Variants in CANT1 observed in about 807,000 individuals in gnomAD.
The protein encoded by CANT1 is calcium activated nucleotidase 1, also known as soluble calcium-activated nucleotidase 1.
CANT1 carries 26 observed loss-of-function variants against 30.0 expected under a neutral mutation model. The ratio of observed to expected loss-of-function variants is 0.87; its 90% CI spans 0.64 to 1.20. CANT1 has a LOEUF of 1.20. CANT1 is among the 50% of genes most tolerant of loss of function. The pLI is 0.00. For missense variants in CANT1, 518 were observed against 563.0 expected (o/e 0.92, Z 0.81); for synonymous variants, 246 against 251.8 (o/e 0.98, Z 0.22).
intron 1 of CANT1, among the ~76,000 whole-genome samples, chr17:79,003,252 A>T (rs1030824194): frequency 1.3e-5 from 2 of 152,126 alleles, no homozygotes; most frequent in Non-Finnish European, 2.9e-5. Context: ...TCAGCACCAG[A>T]ACACCTTCCC....
chr17:78,994,201 C>T (rs765549522), intron 4 of CANT1, among the ~76,000 whole-genome samples: 3 of 152,048 alleles, frequency 2.0e-5, no homozygotes, highest in Non-Finnish European at 2.9e-5. Flanking sequence ...GGAGCCTCCT[C>T]GGGGCTGATC....
At position 78,995,291 on chromosome 17, in the gene CANT1, G is replaced by A. The variant is rs545842980; in HGVS notation, c.632-70C>T. The A allele has an allele frequency of 2.9e-4, 444 of 1,506,558 alleles. 1 individual carries two copies. In the African/African-American group the frequency reaches 5.5e-3, roughly 19 times the overall value. The allele number at this position is 1,506,558 out of a possible 1,614,324, so 93.3% of individuals were successfully genotyped here. A position where few individuals can be genotyped will look rare whatever the true frequency, so the allele number is the denominator to read the frequency against. ...GCACCCCTGCACCTGGCTCCCACCCGGCCCCGCACCTGTCCTTAGACCCCG... is the reference window on the plus strand; with the variant it reads ...GCACCCCTGCACCTGGCTCCCACCCAGCCCCGCACCTGTCCTTAGACCCCG... On this transcript the variant is annotated intron_variant, in intron 3 of 4. Transcript: ENST00000392446. The surrounding 1 kb of genome is among the most constrained non-coding windows in gnomAD (Gnocchi z 5.7).
In CANT1 at chr17:78,997,187, C is replaced by T. The variant is rs1443282700; in HGVS notation, c.436G>A (p.Glu146Lys). The change falls in exon 3 of 5, where the codon GAA becomes AAA. Residue 146 changes from glutamate (E) to lysine (K), a missense_variant. By Grantham distance (56) the Glu-to-Lys change is moderately conservative. This residue lies in a region of CANT1 where 249 missense variants were observed against 268.8 expected (regional missense o/e 0.93). Coordinates refer to ENST00000392446, the MANE Select transcript of CANT1 (RefSeq NM_001159773.2). The surrounding 1 kb of genome is among the most constrained non-coding windows in gnomAD (Gnocchi z 7.5). ...LSDSGDKVAV[E>K]WDKDHGVLES... ...AGGACCCCATGGTCTTTGTCCCATT[C>T]CACGGCCACCTTGTCCCCACTGTCT... The T allele has an allele frequency of 6.2e-6, 10 of 1,614,210 alleles. No homozygotes were observed. The East Asian group carries it at 6.7e-5, about 11-fold the overall frequency.
chr17:79,006,891 G>A lies in CANT1; in HGVS notation c.-147+2773C>T, dbSNP rs371258821. Among the ~76,000 whole-genome samples, 9 of 152,246 alleles carry A rather than the reference G, an allele frequency of 5.9e-5. No homozygotes were observed. In the South Asian group the frequency reaches 1.2e-3, roughly 21 times the overall value. ...GCTTTCCTCCAGGCTCGGCTCCCGGGACACAAAGGCCGAATCGCCAGGACT... is the reference window on the plus strand; with the variant it reads ...GCTTTCCTCCAGGCTCGGCTCCCGGAACACAAAGGCCGAATCGCCAGGACT... On this transcript the variant is annotated intron_variant, in intron 1 of 4. Coordinates refer to ENST00000392446, the MANE Select transcript of CANT1 (RefSeq NM_001159773.2).
In CANT1 at chr17:78,992,724, C is replaced by T. The variant is rs1233892453; in HGVS notation, c.*826G>A. The T allele has an allele frequency of 1.7e-6, 1 of 596,752 alleles. No homozygotes were observed. Among genetic ancestry groups the T allele is most frequent in the African/African-American group, 1.8e-5 (1 of 55,848 alleles). 37.0% of individuals were successfully genotyped at this position (596,752 alleles called of 1,614,324 possible). A position where few individuals can be genotyped will look rare whatever the true frequency, so the allele number is the denominator to read the frequency against. On this transcript the variant is annotated 3_prime_UTR_variant, in exon 5 of 5. Coordinates refer to ENST00000392446, the MANE Select transcript of CANT1 (RefSeq NM_001159773.2). Reference sequence around the variant, plus strand: ...GAACGCCGACATGTGAGACTTGCTTCACCAGCCGCCACCGCTTCCTTACAA... The same window carrying T: ...GAACGCCGACATGTGAGACTTGCTTTACCAGCCGCCACCGCTTCCTTACAA...
chr17:79,005,070 A>G (rs550886831), intron 1 of CANT1, among the ~76,000 whole-genome samples: 33 of 7,582 alleles, frequency 4.4e-3, no homozygotes, highest in Admixed American at 9.6e-3. Flanking sequence ...GGGTTAGGGA[A>G]GGGGGAGTTA....
chr17:79,009,512 G>A (rs1174676092), intron 1 of CANT1, among the ~76,000 whole-genome samples, 152 bp downstream of exon 1: 4 of 152,196 alleles, frequency 2.6e-5, no homozygotes, highest in Non-Finnish European at 4.4e-5. Flanking sequence ...CGAGTCAGGG[G>A]GCAGAGATCC....
In CANT1 at chr17:78,999,632, C is replaced by A. The variant is rs964359772; in HGVS notation, c.-146-1669G>T. Among the ~76,000 whole-genome samples, 9 of 149,898 alleles carry A rather than the reference C, an allele frequency of 6.0e-5. 1 individual carries two copies. The South Asian group carries it at 1.7e-3, about 29-fold the overall frequency. On this transcript the variant is annotated intron_variant, in intron 1 of 4. Coordinates refer to ENST00000392446, the MANE Select transcript of CANT1 (RefSeq NM_001159773.2). ...CTGGGACTACAGGCGTGTGCCACCA[C>A]GCACAGCGAATTTTTTTTTTTTTTT... is the stretch of plus-strand genomic sequence containing the variant.
At position 78,993,834 on chromosome 17, in the gene CANT1, T is replaced by C. The variant is rs1455949571; in HGVS notation, c.922A>G (p.Ser308Gly). 1.9e-6 allele frequency: 3 copies of C among 1,604,552 alleles called. No homozygotes were observed. The highest frequency in any genetic ancestry group is 2.5e-6 in the Non-Finnish European group (3 of 1,176,702). Residue 308 changes from serine to glycine, a missense_variant, in exon 5 of 5, where the codon AGC becomes GGC. By Grantham distance (56) the Ser-to-Gly change is moderately conservative (BLOSUM62 0). Around this residue, in one of 3 missense-constraint regions of CANT1, gnomAD observed 221 missense variants for 211.8 expected, o/e 1.04. Coordinates refer to ENST00000392446, the MANE Select transcript of CANT1 (RefSeq NM_001159773.2). The surrounding 1 kb of genome is among the most constrained non-coding windows in gnomAD (Gnocchi z 4.5). ...CCCTTGCGCTCGTCGTCCTTCTCGCTGTAGCGCTCCTGGCTGGCGCGGCGC... is the reference window on the plus strand; with the variant it reads ...CCCTTGCGCTCGTCGTCCTTCTCGCCGTAGCGCTCCTGGCTGGCGCGGCGC... The part of the protein sequence containing the change: ...LPRRASQERY[S>G]EKDDERKGAN...
At position 78,991,800 on chromosome 17, in the gene CANT1, CAG is replaced by C. The variant is rs2070850227; in HGVS notation, c.*1748_*1749del. The C allele has an allele frequency of 4.4e-6, 1 of 224,792 alleles. No homozygotes were observed. Among genetic ancestry groups the C allele is most frequent in the Admixed American group, 5.7e-5 (1 of 17,494 alleles). The allele number at this position is 224,792 out of a possible 1,614,324, so 13.9% of individuals were successfully genotyped here. On this transcript the variant is annotated 3_prime_UTR_variant, in exon 5 of 5. Transcript: ENST00000392446. ...CAATCATTATGCTGACAGCAGCGAA[CAG>C]AGAGGGGAAGAAAAAAGGTGAGCTT...
At position 78,993,411 on chromosome 17, in the gene CANT1, GGGGCCCGGGACTGGGCTCCCTGTCCA is replaced by G; in HGVS notation, c.*113_*138del. On this transcript the variant is annotated 3_prime_UTR_variant, in exon 5 of 5. Coordinates refer to ENST00000392446, the MANE Select transcript of CANT1 (RefSeq NM_001159773.2). This position sits in a 1 kb window ranked among gnomAD's most constrained non-coding sequence, Gnocchi z 4.5. ...GGGGGTCCAGTGCCCGCACCACTAT[GGGGCCCGGGACTGGGCTCCCTGTCCA>G]GACCTCCAACCCAGGCACAGTTCCA... 2 of 1,316,292 alleles carry G rather than the reference GGGGCCCGGGACTGGGCTCCCTGTCCA, an allele frequency of 1.5e-6. No individual in the cohort carries two copies. The highest frequency in any genetic ancestry group is 2.5e-4 in the Middle Eastern group (1 of 3,944). The allele number at this position is 1,316,292 out of a possible 1,614,324, so 81.5% of individuals were successfully genotyped here.
Position 78,997,118 on chromosome 17 carries a change from C to T in CANT1, c.505G>A (p.Asp169Asn), listed in dbSNP as rs780464924. ...AEKGRGMELSDLIVFNGKLYS... is the reference protein window; with the variant it reads ...AEKGRGMELSNLIVFNGKLYS... Reference sequence around the variant, plus strand: ...AGTTTCCCATTGAAAACAATCAGGTCGGATAGCTCCATGCCTCTCCCCTTC... The same window carrying T: ...AGTTTCCCATTGAAAACAATCAGGTTGGATAGCTCCATGCCTCTCCCCTTC... Residue 169 changes from aspartate to asparagine, a missense_variant, in exon 3 of 5, where the codon GAC becomes AAC. Asp to Asn is a conservative substitution (Grantham distance 23). Coordinates refer to ENST00000392446, the MANE Select transcript of CANT1 (RefSeq NM_001159773.2). The surrounding 1 kb of genome is among the most constrained non-coding windows in gnomAD (Gnocchi z 7.5). 3.7e-6 allele frequency: 6 copies of T among 1,614,184 alleles called. No individual in the cohort carries two copies. Among genetic ancestry groups the T allele is most frequent in the South Asian group, 1.1e-5 (1 of 91,084 alleles).
Position 78,992,755 on chromosome 17 carries a change from C to A in CANT1, c.*795G>T, listed in dbSNP as rs979616272. The A allele has an allele frequency of 1.7e-6, 1 of 593,522 alleles. No homozygotes were observed. The highest frequency in any genetic ancestry group is 1.9e-5 in the Admixed American group (1 of 53,400). 36.8% of individuals were successfully genotyped at this position (593,522 alleles called of 1,614,324 possible). A position where few individuals can be genotyped will look rare whatever the true frequency, so the allele number is the denominator to read the frequency against. Reference sequence around the variant, plus strand: ...CCGCCACCGCTTCCTTACAATCTCCCGCACTGCTGGAGCGGGCTGGGTAAC... The same window carrying A: ...CCGCCACCGCTTCCTTACAATCTCCAGCACTGCTGGAGCGGGCTGGGTAAC... On this transcript the variant is annotated 3_prime_UTR_variant, in exon 5 of 5. Transcript: ENST00000392446.
At chr17:79,005,771 T>C (rs1212189451) in intron 1 of CANT1, among the ~76,000 whole-genome samples, 2 of 152,118 alleles carry the variant, frequency 1.3e-5, no homozygotes, top group Non-Finnish European at 2.9e-5. Flanking sequence ...CAAACCCCAC[T>C]GACCTACAGA....
Position 78,997,011 on chromosome 17 carries a change from G to A in CANT1, c.612C>T (p.Gly204=), listed in dbSNP as rs765982827. 5.6e-6 allele frequency: 9 copies of A among 1,614,020 alleles called. No individual in the cohort carries two copies. The highest frequency in any genetic ancestry group is 3.3e-5 in the Admixed American group (2 of 60,010). The change falls in exon 3 of 5, where the codon GGC becomes GGT. Residue 204 remains glycine (G), a synonymous_variant. Transcript: ENST00000392446. The surrounding 1 kb of genome is among the most constrained non-coding windows in gnomAD (Gnocchi z 7.5). ...AGTTACCTTTCTCCACGGTGCCGTC[G>A]CCGTCGGACAGAATCACCCAGGGCA... ...KAVPWVILSD[G]DGTVEKGFKA... is the part of the protein sequence containing the mutation.
At chr17:79,007,343 G>A (rs2071588594) in intron 1 of CANT1, among the ~76,000 whole-genome samples, 1 of 152,206 alleles carries the variant, frequency 6.6e-6, no homozygotes, top group South Asian at 2.1e-4. Flanking sequence ...AGTGCACTGA[G>A]TGAAAAGAAT....
Position 78,997,362 on chromosome 17 carries a change from G to C in CANT1, c.261C>G (p.Tyr87Ter). ...WRLGQAPANW[Y>*]NDTYPLSPPQ... ...GGGGAGACAGGGGGTAGGTGTCATTGTACCAGTTGGCGGGCGCCTGGCCGA... is the reference window on the plus strand; with the variant it reads ...GGGGAGACAGGGGGTAGGTGTCATTCTACCAGTTGGCGGGCGCCTGGCCGA... Residue 87 changes from tyrosine (Y) to a stop codon, truncating the protein, a stop_gained, in exon 3 of 5, where the codon TAC becomes TAG. Transcript: ENST00000392446. LOFTEE classifies it high-confidence loss of function. This position sits in a 1 kb window ranked among gnomAD's most constrained non-coding sequence, Gnocchi z 7.5. 6.2e-7 allele frequency: 1 copy of C among 1,613,984 alleles called. No individual in the cohort carries two copies.
rs148899096 is a variant in CANT1, at chr17:79,002,670, T to C, written c.-146-4707A>G. 3.5e-4 allele frequency among the ~76,000 whole-genome samples: 53 copies of C among 152,294 alleles called. No homozygotes were observed. The highest frequency in any genetic ancestry group is 5.6e-4 in the Non-Finnish European group (38 of 68,014). Reference sequence around the variant, plus strand: ...GACTGTGGAGGCTGAAAATACTGACTCCCTGTCCCTCGACAGATCCCTGGT... The same window carrying C: ...GACTGTGGAGGCTGAAAATACTGACCCCCTGTCCCTCGACAGATCCCTGGT... On this transcript the variant is annotated intron_variant, in intron 1 of 4. Coordinates refer to ENST00000392446, the MANE Select transcript of CANT1 (RefSeq NM_001159773.2). This position sits in a 1 kb window ranked among gnomAD's most constrained non-coding sequence, Gnocchi z 4.0.
chr17:79,000,635 C>T (rs1029235537), intron 1 of CANT1, among the ~76,000 whole-genome samples: 13 of 152,216 alleles, frequency 8.5e-5, no homozygotes, highest in Admixed American at 2.6e-4. Context: ...CACACTGTAC[C>T]ATCTCCTCTG....
Sources: gnomAD v4.1 joint callset for allele counts (sites outside exome capture counted in the v4.1 genomes callset) on GRCh38, gnomAD v4.1.1 for gene constraint, gnomAD v4.1.1 regional missense constraint, Gnocchi (gnomAD v3.1) non-coding constraint, MANE v1.5 for transcripts, NCBI Gene and HGNC (gene_info 2026-07-23, HGNC 2026-07-21) for gene names.